RABGAP1: variants seen among roughly 807,000 people sequenced by gnomAD.
RABGAP1 encodes the protein RAB GTPase activating protein 1, also known as rab GTPase-activating protein 1.
A neutral mutation model predicts 137.6 loss-of-function variants in RABGAP1; 23 were observed. The observed-to-expected ratio is 0.17, with a 90% CI of 0.12 to 0.24. RABGAP1 has a LOEUF of 0.24. Ranked by LOEUF, RABGAP1 falls within the 10% of genes least tolerant of loss-of-function variation. The pLI is 1.00. For synonymous variants in RABGAP1, 451 were observed against 450.7 expected, an observed-to-expected ratio of 1.00 and a Z score of -0.01; for missense variants, 906 against 1,275.8, an observed-to-expected ratio of 0.71 and a Z score of 4.42.
At chr9:122,966,095 A>G (rs1276053781) in intron 2 of RABGAP1, among the ~76,000 whole-genome samples, 1 of 152,192 alleles carries the variant, frequency 6.6e-6, no homozygotes. Context: ...TCAGGAGAAC[A>G]TATTACATTT....
At chr9:122,941,116 C>T (rs1359127241) in intron 1 of RABGAP1, 23 bp downstream of exon 1, 1 of 152,400 alleles carries the variant, frequency 6.6e-6, no homozygotes, top group African/African-American at 2.4e-5. Context: ...TTCCCCTCCT[C>T]CTCCTCCCAC....
chr9:123,020,536 CT>C, intron 13 of RABGAP1, 77 bp downstream of exon 13: 1 of 1,293,388 alleles, frequency 7.7e-7, no homozygotes, highest in Non-Finnish European at 1.0e-6. Context: ...AGTTATTTGA[CT>C]TATAAGAAGT....
intron 2 of RABGAP1, among the ~76,000 whole-genome samples, chr9:122,961,850 A>C (rs1305530046): frequency 2.0e-5 from 3 of 152,198 alleles, no homozygotes; most frequent in African/African-American, 7.2e-5. Flanking sequence ...ATAATAGGAA[A>C]AAGGAGATAA....
intron 1 of RABGAP1, among the ~76,000 whole-genome samples, chr9:122,956,379 C>T (rs980810261): frequency 1.3e-5 from 2 of 151,524 alleles, no homozygotes; most frequent in Non-Finnish European, 3.0e-5. Flanking sequence ...CTTTCCATTT[C>T]ATTTACATGT....
chr9:123,008,552 A>G (rs935561097), intron 10 of RABGAP1, among the ~76,000 whole-genome samples: 2 of 151,830 alleles, frequency 1.3e-5, no homozygotes, highest in Non-Finnish European at 2.9e-5. Flanking sequence ...CTCAAAAAAA[A>G]AAAAAAAAAA....
intron 19 of RABGAP1, among the ~76,000 whole-genome samples, chr9:123,084,346 A>G (rs1445686519): frequency 1.3e-5 from 2 of 152,160 alleles, no homozygotes; most frequent in East Asian, 3.8e-4. Flanking sequence ...TGATAGTCCT[A>G]CCACATGAAG....
intron 13 of RABGAP1, among the ~76,000 whole-genome samples, chr9:123,023,184 A>AT (rs890835832): frequency 1.3e-5 from 2 of 151,646 alleles, no homozygotes; most frequent in African/African-American, 2.4e-5. Flanking sequence ...TTGTTCTTGA[A>AT]TTTTTTCTGT....
rs1312197411 is a variant in RABGAP1 at position 122,986,241 on chromosome 9, C to T, written c.412C>T (p.Pro138Ser). 7 of 1,614,014 alleles carry T rather than the reference C, an allele frequency of 4.3e-6. No homozygotes were observed. The highest frequency in any genetic ancestry group is 5.1e-6 in the Non-Finnish European group (6 of 1,179,988). The change falls in exon 4 of 26, where the codon CCA becomes TCA. Residue 138 changes from proline (P) to serine (S), a missense_variant. By Grantham distance (74) the Pro-to-Ser change is moderately conservative (BLOSUM62 -1). Around this residue, in one of 9 missense-constraint regions of RABGAP1, gnomAD observed 331 missense variants for 358.3 expected, o/e 0.92. Coordinates refer to ENST00000373647, the MANE Select transcript of RABGAP1 (RefSeq NM_012197.4). ...TTCTGAAGCTTCAAGTCCTTTCACA[C>T]CAGTGGCCGATGAGGACAGCGTAGT... ...GDSEASSPFT[P>S]VADEDSVVFS...
chr9:123,083,202 G>C (rs1256566522), intron 19 of RABGAP1, among the ~76,000 whole-genome samples: 3 of 152,212 alleles, frequency 2.0e-5, no homozygotes, highest in Non-Finnish European at 4.4e-5. Context: ...CTGCTTTACT[G>C]TAAATGATGG....
At chr9:123,001,049 T>G (rs1381803684) in intron 10 of RABGAP1, among the ~76,000 whole-genome samples, 1 of 151,756 alleles carries the variant, frequency 6.6e-6, no homozygotes, top group Non-Finnish European at 1.5e-5. Flanking sequence ...CGGGTTTCAC[T>G]ATGTTGGCCA....
rs147968479 is a variant in RABGAP1 at position 123,014,082 on chromosome 9, C to A, written c.1550-1461C>A. ...GAAAGTCAGTTTCTGGACATAAACC[C>A]GATGAAAGCAATGAGATATATTCAT... On this transcript the variant is annotated intron_variant, in intron 11 of 25. Coordinates refer to ENST00000373647, the MANE Select transcript of RABGAP1 (RefSeq NM_012197.4). Among the ~76,000 whole-genome samples, 29 of 152,134 alleles carry A rather than the reference C, an allele frequency of 1.9e-4. 1 individual carries two copies. The highest frequency in any genetic ancestry group is 3.2e-4 in the Non-Finnish European group (22 of 67,994).
At chr9:122,997,704 C>T (rs1347018662) in intron 9 of RABGAP1, among the ~76,000 whole-genome samples, 1 of 152,138 alleles carries the variant, frequency 6.6e-6, no homozygotes, top group Non-Finnish European at 1.5e-5. Flanking sequence ...GGAAGTGAGT[C>T]TACCACAGTC....
chr9:123,057,159 C>T (rs1171631659), intron 13 of RABGAP1, among the ~76,000 whole-genome samples: 1 of 151,686 alleles, frequency 6.6e-6, no homozygotes, highest in African/African-American at 2.4e-5. Flanking sequence ...GGGGCTGACC[C>T]CCACCTCCCT....
intron 24 of RABGAP1, among the ~76,000 whole-genome samples, chr9:123,100,509 G>A (rs2035314194): frequency 6.6e-6 from 1 of 150,972 alleles, no homozygotes; most frequent in East Asian, 2.0e-4. Context: ...TGCAACCTCC[G>A]CCTCCCAGGT....
At chr9:123,032,181 G>A (rs905126485) in intron 13 of RABGAP1, among the ~76,000 whole-genome samples, 2 of 152,174 alleles carry the variant, frequency 1.3e-5, no homozygotes, top group Admixed American at 6.5e-5. Flanking sequence ...GGAGCAGAAA[G>A]TGAGTAAAGT....
rs571008261 is a variant in RABGAP1 at position 123,000,858 on chromosome 9, C to G, written c.1374+2092C>G. The stretch of plus-strand genomic sequence containing the variant: ...CCATCATACTGTTTCTGTCTTTGTC[C>G]CCTCTTGATTTCTTTTCAACATAAT... On this transcript the variant is annotated intron_variant, in intron 10 of 25. Transcript: ENST00000373647. Among the ~76,000 whole-genome samples, 126 of 151,718 alleles carry G rather than the reference C, an allele frequency of 8.3e-4. 1 individual carries two copies. The highest frequency in any genetic ancestry group is 3.7e-3 in the Admixed American group (57 of 15,220).
At chr9:122,956,116 T>G (rs1240248543) in intron 1 of RABGAP1, among the ~76,000 whole-genome samples, 1 of 152,178 alleles carries the variant, frequency 6.6e-6, no homozygotes, top group African/African-American at 2.4e-5. Context: ...GAAACCCTTA[T>G]TTGGGTAATG....
chr9:122,933,330 CTT>C, the RABGAP1 span, among the ~76,000 whole-genome samples: 4 of 151,620 alleles, frequency 2.6e-5, no homozygotes, highest in African/African-American at 9.7e-5. Context: ...TATATAATGT[CTT>C]TGTCTCTTAT....
chr9:122,940,929 C>G (rs1455570094), upstream of RABGAP1: 2 of 147,750 alleles, frequency 1.4e-5, no homozygotes, highest in Admixed American at 6.8e-5. Flanking sequence ...TCGTCATGGT[C>G]GCAGACCTAT....
Sources: gnomAD v4.1 joint callset for allele counts (sites outside exome capture counted in the v4.1 genomes callset) on GRCh38, gnomAD v4.1.1 for gene constraint, gnomAD v4.1.1 regional missense constraint, MANE v1.5 for transcripts, NCBI Gene and HGNC (gene_info 2026-07-23, HGNC 2026-07-21) for gene names.